DEPDC5: variants seen among roughly 807,000 people sequenced by gnomAD.
DEPDC5 encodes the protein GATOR1 complex protein DEPDC5.
DEPDC5 carries 73 observed loss-of-function variants against 217.3 expected under a neutral mutation model. The ratio of observed to expected loss-of-function variants is 0.34; its 90% confidence interval spans 0.28 to 0.41. The LOEUF (loss-of-function observed/expected upper bound fraction) is 0.41, where lower values mean the gene tolerates loss of function less well. DEPDC5 is among the 10% of genes least tolerant of loss of function. The pLI, the probability that DEPDC5 is intolerant of heterozygous loss-of-function variation, is 1.00. For synonymous variants in DEPDC5, 733 were observed against 756.7 expected (o/e 0.97, Z 0.51); for missense variants, 1,675 against 2,070.1 (o/e 0.81, Z 3.70).
intron 25 of DEPDC5, among the ~76,000 whole-genome samples, chr22:31,835,254 A>G (rs2090907131): frequency 6.6e-6 from 1 of 152,232 alleles, no homozygotes; most frequent in Non-Finnish European, 1.5e-5. Flanking sequence ...CCAGAAAGCT[A>G]CCAGCAGTGA....
chr22:31,808,233 C>G (rs1359434262), intron 18 of DEPDC5, among the ~76,000 whole-genome samples: 1 of 150,672 alleles, frequency 6.6e-6, no homozygotes, highest in Non-Finnish European at 1.5e-5. Context: ...ATAGCTAGGA[C>G]TACAGGCACA....
At chr22:31,773,948 G>A (rs1020065453) in intron 7 of DEPDC5, among the ~76,000 whole-genome samples, 1 of 152,054 alleles carries the variant, frequency 6.6e-6, no homozygotes, top group Non-Finnish European at 1.5e-5. Flanking sequence ...GCAGGCTCCT[G>A]TAATCCCAGC....
intron 5 of DEPDC5, among the ~76,000 whole-genome samples, chr22:31,765,625 G>A (rs1398467924): frequency 6.6e-6 from 1 of 152,118 alleles, no homozygotes; most frequent in African/African-American, 2.4e-5. Context: ...TGGGTGTGTT[G>A]TATATGCCTG....
rs202113256 is a variant in DEPDC5 at position 31,802,882 on chromosome 22, C to A, written c.1081+44C>A. The A allele has an allele frequency of 1.6e-3, 2,498 of 1,536,280 alleles. 9 individuals are homozygous for A. Among genetic ancestry groups the A allele is most frequent in the Middle Eastern group, 0.01 (58 of 5,744 alleles). ...TGCCCTGTCTCCACATGTTCCTAGCCTGATTTCCCCTTAGAACTGTGAGCT... is the reference window on the plus strand; with the variant it reads ...TGCCCTGTCTCCACATGTTCCTAGCATGATTTCCCCTTAGAACTGTGAGCT... On this transcript the variant is annotated intron_variant, in intron 15 of 42. Coordinates refer to ENST00000651528, the MANE Select transcript of DEPDC5 (RefSeq NM_001242896.3).
chr22:31,784,701 T>G (rs1400925854), intron 9 of DEPDC5, 113 bp from the exon 10 acceptor site: 15 of 913,334 alleles, frequency 1.6e-5, no homozygotes, highest in Non-Finnish European at 2.0e-5. Context: ...GCAGTTTACT[T>G]AGGGAATTGC....
intron 31 of DEPDC5, among the ~76,000 whole-genome samples, chr22:31,852,744 A>C (rs1441213782): frequency 6.6e-6 from 1 of 152,258 alleles, no homozygotes; most frequent in Non-Finnish European, 1.5e-5. Context: ...AAACAAAACC[A>C]TGGTATTATA....
chr22:31,831,779 A>T (rs1281606867), intron 24 of DEPDC5, among the ~76,000 whole-genome samples: 1 of 152,198 alleles, frequency 6.6e-6, no homozygotes, highest in African/African-American at 2.4e-5. Flanking sequence ...TAGTTATTTA[A>T]AAATTTATGT....
intron 7 of DEPDC5, 171 bp from the exon 8 acceptor site, chr22:31,777,928 A>G: frequency 1.6e-6 from 1 of 635,334 alleles, no homozygotes; most frequent in Non-Finnish European, 2.7e-6. Context: ...TTGGATTTTT[A>G]GTATAGATGG....
intron 36 of DEPDC5, chr22:31,875,643 T>A (rs1197781690): frequency 6.8e-6 from 1 of 147,448 alleles, no homozygotes; most frequent in East Asian, 2.0e-4. Context: ...TTTTTTTTTT[T>A]TTTTTTTGAG....
At chr22:31,839,375 G>C (rs1379605533) in intron 27 of DEPDC5, among the ~76,000 whole-genome samples, 1 of 152,222 alleles carries the variant, frequency 6.6e-6, no homozygotes, top group Non-Finnish European at 1.5e-5. Context: ...AATTGAATCA[G>C]AGCCAGGCAA....
In DEPDC5 at chr22:31,833,992, C is replaced by A; in HGVS notation, c.2170+12C>A. 2 of 1,612,972 alleles carry A rather than the reference C, an allele frequency of 1.2e-6. No individual in the cohort carries two copies. Among genetic ancestry groups the A allele is most frequent in the Non-Finnish European group, 1.7e-6 (2 of 1,179,106 alleles). On this transcript the variant is annotated intron_variant, in intron 25 of 42. Transcript: ENST00000651528. ...CTCTCCAGACCCAAGTAAGAGGGGGCAGCTGACTGGGGAAAGGGGTAGACA... is the reference window on the plus strand; with the variant it reads ...CTCTCCAGACCCAAGTAAGAGGGGGAAGCTGACTGGGGAAAGGGGTAGACA...
At chr22:31,827,350 C>T (rs550716837) in intron 24 of DEPDC5, among the ~76,000 whole-genome samples, 16 of 152,206 alleles carry the variant, frequency 1.1e-4, no homozygotes, top group Admixed American at 3.9e-4. Flanking sequence ...AACCATATAT[C>T]GGACATTAAT....
At chr22:31,838,065 C>T (rs2091147383) in intron 26 of DEPDC5, among the ~76,000 whole-genome samples, 2 of 152,098 alleles carry the variant, frequency 1.3e-5, no homozygotes, top group Admixed American at 1.3e-4. Context: ...TCAACTATTT[C>T]TCCTCGTTGA....
intron 33 of DEPDC5, among the ~76,000 whole-genome samples, chr22:31,863,385 T>C (rs1602523294): frequency 6.6e-6 from 1 of 152,212 alleles, no homozygotes; most frequent in East Asian, 1.9e-4. Context: ...CAGGCTGGTC[T>C]TGAACTCCTG....
At chr22:31,878,499 T>C (rs1371522651) in intron 37 of DEPDC5, among the ~76,000 whole-genome samples, 1 of 149,582 alleles carries the variant, frequency 6.7e-6, no homozygotes, top group African/African-American at 2.5e-5. Context: ...AGGCCAGGAG[T>C]TTAAGATCAG....
At chr22:31,778,287 C>T in intron 8 of DEPDC5, 119 bp downstream of exon 8, 1 of 1,017,786 alleles carries the variant, frequency 9.8e-7, no homozygotes, top group Non-Finnish European at 1.5e-6. Context: ...TGCTTTATCC[C>T]AGGAGTTCAA....
intron 31 of DEPDC5, among the ~76,000 whole-genome samples, chr22:31,849,574 A>T (rs1232160482): frequency 6.6e-6 from 1 of 152,130 alleles, no homozygotes; most frequent in East Asian, 1.9e-4. Flanking sequence ...TGAGACCAGG[A>T]GTTCAAGACC....
chr22:31,776,040 C>CAAAA (rs753480175), intron 7 of DEPDC5, among the ~76,000 whole-genome samples: 4 of 46,972 alleles, frequency 8.5e-5, no homozygotes, highest in Non-Finnish European at 1.8e-4. Context: ...GACTACATCT[C>CAAAA]AAAAAAAAAA....
At chr22:31,879,085 T>TATATATATACACATATATATAC (rs1327376274) in intron 37 of DEPDC5, among the ~76,000 whole-genome samples, 46 of 138,482 alleles carry the variant, frequency 3.3e-4, no homozygotes, top group South Asian at 6.5e-4. Context: ...CACACACGTA[T>TATATATATACACATATATATAC]ATATATATAC....
Sources: allele counts gnomAD v4.1 joint callset (sites outside exome capture counted in the v4.1 genomes callset), GRCh38; gene constraint gnomAD v4.1.1; transcripts MANE v1.5; gene names NCBI Gene and HGNC (gene_info 2026-07-23, HGNC 2026-07-21).